The following PSME4 variants were observed in gnomAD, a reference collection of about 807,000 sequenced individuals.
The protein encoded by PSME4 is proteasome activator complex subunit 4.
In PSME4, 89 loss-of-function variants were observed where a neutral mutation model predicts 253.9. That is an observed-to-expected ratio of 0.35 (90% CI 0.30 to 0.42). The LOEUF (loss-of-function observed/expected upper bound fraction) is 0.42, where lower values mean the gene tolerates loss of function less well. Among genes scored for constraint, PSME4 ranks in the 10% least tolerant of loss-of-function variants. The pLI, the probability that PSME4 is intolerant of heterozygous loss-of-function variation, is 1.00. For synonymous variants in PSME4, 851 were observed against 759.2 expected (o/e 1.12, Z -1.99); for missense variants, 2,014 against 2,195.2 (o/e 0.92, Z 1.65).
chr2:53,903,813 T>C (rs1344080934), intron 27 of PSME4, among the ~76,000 whole-genome samples: 4 of 152,110 alleles, frequency 2.6e-5, no homozygotes, highest in Admixed American at 6.5e-5. Flanking sequence ...GAAACAAAGA[T>C]CATACCTGTT....
intron 1 of PSME4, among the ~76,000 whole-genome samples, chr2:53,953,126 G>A (rs910994624): frequency 1.3e-5 from 2 of 152,098 alleles, no homozygotes; most frequent in Non-Finnish European, 2.9e-5. Flanking sequence ...CCAGTTCCTC[G>A]CCAACCAGCA....
At chr2:53,869,150 A>G (rs1034768755) in intron 44 of PSME4, among the ~76,000 whole-genome samples, 2 of 152,200 alleles carry the variant, frequency 1.3e-5, no homozygotes, top group African/African-American at 4.8e-5. Context: ...AATAGTTGTT[A>G]GGTAGCAGTT....
intron 4 of PSME4, 22 bp downstream of exon 4, chr2:53,939,934 T>C (rs1669310649): frequency 6.4e-7 from 1 of 1,568,052 alleles, no homozygotes. Flanking sequence ...CAAGAGGCTT[T>C]ATAAATTGAG....
At chr2:53,925,766 C>T in intron 13 of PSME4, 77 bp from the exon 14 acceptor site, 1 of 1,416,658 alleles carries the variant, frequency 7.1e-7, no homozygotes, top group Non-Finnish European at 9.8e-7. Flanking sequence ...AGGTAACTCT[C>T]TATTGTCCTA....
intron 37 of PSME4, among the ~76,000 whole-genome samples, chr2:53,889,540 G>C (rs528240838): frequency 2.6e-5 from 4 of 152,204 alleles, no homozygotes. Flanking sequence ...GGAACTCATG[G>C]ATATGGAGGG....
Position 53,908,769 on chromosome 2 carries a change from T to C in PSME4, c.2629+15A>G. 6.3e-7 allele frequency: 1 copy of C among 1,575,838 alleles called. No homozygotes were observed. The highest frequency in any genetic ancestry group is 8.7e-7 in the Non-Finnish European group (1 of 1,150,794). On this transcript the variant is annotated intron_variant, in intron 22 of 46. Coordinates refer to ENST00000404125, the MANE Select transcript of PSME4 (RefSeq NM_014614.3). The stretch of plus-strand genomic sequence containing the variant: ...TTCCAAAGTACAAATAAGTTAAATG[T>C]ACAGATACACTTACTAAGAAGTTTC...
chr2:53,923,984 C>T (rs1222691876), intron 14 of PSME4, among the ~76,000 whole-genome samples: 3 of 141,738 alleles, frequency 2.1e-5, no homozygotes, highest in Non-Finnish European at 4.6e-5. Context: ...AAACCCTACA[C>T]ATAAAATTAT....
intron 41 of PSME4, among the ~76,000 whole-genome samples, chr2:53,884,221 T>C (rs1373316305): frequency 6.6e-6 from 1 of 151,978 alleles, no homozygotes; most frequent in African/African-American, 2.4e-5. Context: ...TTTTCTTTTC[T>C]TTTTTTTCGA....
chr2:53,922,612 G>A (rs758786327), intron 16 of PSME4, 28 bp from the exon 17 acceptor site: 392 of 1,601,798 alleles, frequency 2.4e-4, no homozygotes, highest in Non-Finnish European at 3.2e-4. Context: ...CTATTAGGGG[G>A]AAAAACCTAT....
chr2:53,949,290 G>C lies in PSME4; in HGVS notation c.243-7C>G, dbSNP rs746907971. Reference sequence around the variant, plus strand: ...CCCATAAAGTCGAATATATCTGCAAGAGAAAAATAGATATACCCTTTAAAA... The same window carrying C: ...CCCATAAAGTCGAATATATCTGCAACAGAAAAATAGATATACCCTTTAAAA... On this transcript the variant is annotated splice_region_variant and splice_polypyrimidine_tract_variant and intron_variant, in intron 1 of 46. Transcript: ENST00000404125. 4 of 1,539,336 alleles carry C rather than the reference G, an allele frequency of 2.6e-6. No individual in the cohort carries two copies. Among genetic ancestry groups the C allele is most frequent in the South Asian group, 2.3e-5 (2 of 85,688 alleles).
At chr2:53,882,295 A>AT (rs1573208015) in intron 41 of PSME4, among the ~76,000 whole-genome samples, 1 of 152,210 alleles carries the variant, frequency 6.6e-6, no homozygotes, top group East Asian at 1.9e-4. Context: ...CATGTGCCTG[A>AT]TGCTGCTTTA....
At chr2:53,939,851 T>A in intron 4 of PSME4, 105 bp downstream of exon 4, 1 of 935,648 alleles carries the variant, frequency 1.1e-6, no homozygotes, top group Non-Finnish European at 1.6e-6. Context: ...AACATCACAA[T>A]GTCAGGAACT....
At chr2:53,918,951 T>A in intron 20 of PSME4, among the ~76,000 whole-genome samples, 200 bp downstream of exon 20, 1 of 152,190 alleles carries the variant, frequency 6.6e-6, no homozygotes, top group East Asian at 1.9e-4. Flanking sequence ...TATTCTATCC[T>A]GGTACCATGT....
At chr2:53,920,148 C>A in intron 19 of PSME4, 45 bp downstream of exon 19, 1 of 1,506,228 alleles carries the variant, frequency 6.6e-7, no homozygotes, top group Non-Finnish European at 8.9e-7. Flanking sequence ...AAAAAGACTT[C>A]TTTAGTCTGC....
rs763859083 is a variant in PSME4 at position 53,970,741 on chromosome 2, G to C, written c.44C>G (p.Pro15Arg). The C allele has an allele frequency of 9.1e-6, 14 of 1,544,750 alleles. No homozygotes were observed. Among genetic ancestry groups the C allele is most frequent in the South Asian group, 6.0e-5 (5 of 83,804 alleles). Reference sequence around the variant, plus strand: ...CGGGCCCGGCTCGGGACGCCCGCCCGGCTCCGGGGGCTCTCCGACTCCCGC... The same window carrying C: ...CGGGCCCGGCTCGGGACGCCCGCCCCGCTCCGGGGGCTCTCCGACTCCCGC... ...ERAGVGEPPE[P>R]GGRPEPGPRG... Residue 15 changes from proline (P) to arginine (R), a missense_variant, in exon 1 of 47, where the codon CCG (proline) becomes CGG (arginine). By Grantham distance (103) the Pro-to-Arg change is moderately radical. Around this residue, in one of 4 missense-constraint regions of PSME4, gnomAD observed 615 missense variants for 594.4 expected, o/e 1.03. Transcript: ENST00000404125.
chr2:53,931,696 A>T (rs1004036415), intron 10 of PSME4, 139 bp downstream of exon 10: 1 of 909,420 alleles, frequency 1.1e-6, no homozygotes, highest in African/African-American at 1.7e-5. Flanking sequence ...TCATTACATT[A>T]AAATGTCCTG....
At position 53,920,295 on chromosome 2, in the gene PSME4, G is replaced by A. The variant is rs1251897445; in HGVS notation, c.2318C>T (p.Ser773Phe). 1.2e-6 allele frequency: 2 copies of A among 1,613,872 alleles called. No homozygotes were observed. Among genetic ancestry groups the A allele is most frequent in the South Asian group, 1.1e-5 (1 of 91,050 alleles). The change falls in exon 19 of 47, where the codon TCT becomes TTT. Residue 773 changes from serine to phenylalanine, a missense_variant. Ser to Phe is a radical substitution (Grantham distance 155). This residue lies in a region of PSME4 where 989 missense variants were observed against 1,021.1 expected (regional missense o/e 0.97). Coordinates refer to ENST00000404125, the MANE Select transcript of PSME4 (RefSeq NM_014614.3). ...WNLGIQWHVP[S>F]SEEVSFAFYL... ...AAAGGCAAAAGACACTTCTTCTGAAGAAGGAACATGCCACTGGATTCCCAG... is the reference window on the plus strand; with the variant it reads ...AAAGGCAAAAGACACTTCTTCTGAAAAAGGAACATGCCACTGGATTCCCAG...
At chr2:53,948,664 T>C (rs535268555) in intron 2 of PSME4, 127 bp from the exon 3 acceptor site, 35 of 665,650 alleles carry the variant, frequency 5.3e-5, no homozygotes, top group South Asian at 5.0e-4. Flanking sequence ...TCCCCATCCA[T>C]GGCCACTCAC....
chr2:53,909,740 T>C (rs142858431), intron 21 of PSME4, among the ~76,000 whole-genome samples: 53 of 152,262 alleles, frequency 3.5e-4, no homozygotes, highest in African/African-American at 1.1e-3. Flanking sequence ...GGTGGGTAGA[T>C]CACTTGATGT....
Sources: allele counts gnomAD v4.1 joint callset (sites outside exome capture counted in the v4.1 genomes callset), GRCh38; gene constraint gnomAD v4.1.1; regional missense constraint gnomAD v4.1.1; transcripts MANE v1.5; gene names NCBI Gene and HGNC (gene_info 2026-07-23, HGNC 2026-07-21).